Variants in BPIFC observed in about 807,000 individuals in gnomAD.
BPIFC encodes the protein BPI fold containing family C, also known as BPI fold-containing family C protein.
Under a neutral mutation model 57.6 loss-of-function variants are expected in BPIFC, and 60 were observed. That is an observed-to-expected ratio of 1.04 (90% CI 0.85 to 1.29). The LOEUF (loss-of-function observed/expected upper bound fraction) is 1.29, where lower values mean the gene tolerates loss of function less well. Among genes scored for constraint, BPIFC ranks in the 50% most tolerant of loss-of-function variants. BPIFC has a pLI of 0.00. For missense variants in BPIFC, 581 were observed against 600.5 expected, an observed-to-expected ratio of 0.97 and a Z score of 0.34; for synonymous variants, 243 against 224.5, an observed-to-expected ratio of 1.08 and a Z score of -0.74.
In BPIFC at chr22:32,452,792, A is replaced by T. The variant is rs187375571; in HGVS notation, c.245+591T>A. Among the ~76,000 whole-genome samples, 7 of 152,314 alleles carry T rather than the reference A, an allele frequency of 4.6e-5. No homozygotes were observed. The East Asian group carries it at 1.4e-3, about 29-fold the overall frequency. ...ACAATTGGGGCAAATTGTGAATCAC[A>T]GTCACAGAGAACCCCTTAGAAGAGC... On this transcript the variant is annotated intron_variant, in intron 4 of 16. Transcript: ENST00000300399.
intron 5 of BPIFC, chr22:32,446,840 T>A: frequency 2.0e-6 from 2 of 978,638 alleles, no homozygotes; most frequent in Non-Finnish European, 2.4e-6. Context: ...AAAGACTCCA[T>A]TTCCCATCAC....
At chr22:32,425,456 T>C (rs1934039412) in intron 13 of BPIFC, among the ~76,000 whole-genome samples, 1 of 152,134 alleles carries the variant, frequency 6.6e-6, no homozygotes, top group African/African-American at 2.4e-5. Context: ...TTCTTAGCTA[T>C]CCATGGGCAG....
At position 32,446,016 on chromosome 22, in the gene BPIFC, G is replaced by A. The variant is rs73884917; in HGVS notation, c.375-20C>T. The A allele has an allele frequency of 7.9e-4, 1,278 of 1,612,550 alleles. 13 individuals carry two copies. The African/African-American group carries it at 0.015, about 19-fold the overall frequency. On this transcript the variant is annotated intron_variant, in intron 5 of 16. Coordinates refer to ENST00000300399, the MANE Select transcript of BPIFC (RefSeq NM_174932.3). ...TCTTGGCTGTTTAAAGAAGTGCAAG[G>A]TTATCCAAGCCTGAGTCAGGCACAG... is the stretch of plus-strand genomic sequence containing the variant.
chr22:32,457,473 T>C (rs1935064371), intron 2 of BPIFC, 87 bp from the exon 3 acceptor site: 28 of 1,489,740 alleles, frequency 1.9e-5, no homozygotes, highest in Non-Finnish European at 2.5e-5. Context: ...ATTTTCTCAT[T>C]TTTACTGTTT....
At chr22:32,415,731 A>G (rs557756382) in intron 16 of BPIFC, among the ~76,000 whole-genome samples, 184 bp downstream of exon 16, 1 of 152,338 alleles carries the variant, frequency 6.6e-6, no homozygotes, top group South Asian at 2.1e-4. Context: ...TTTTAGACTC[A>G]ACTCTAAATA....
chr22:32,449,309 G>A (rs867047521), intron 4 of BPIFC, among the ~76,000 whole-genome samples: 12 of 152,352 alleles, frequency 7.9e-5, no homozygotes, highest in Admixed American at 5.2e-4. Flanking sequence ...ACAGGTAGGG[G>A]CGGGGAGACA....
intron 8 of BPIFC, among the ~76,000 whole-genome samples, chr22:32,441,412 G>A (rs1168121863): frequency 6.6e-6 from 1 of 152,060 alleles, no homozygotes; most frequent in Non-Finnish European, 1.5e-5. Context: ...CTCCCATGAC[G>A]GCAGGTATGT....
chr22:32,432,785 T>C (rs1166232193), intron 11 of BPIFC, among the ~76,000 whole-genome samples: 1 of 152,250 alleles, frequency 6.6e-6, no homozygotes, highest in Non-Finnish European at 1.5e-5. Flanking sequence ...CATTTAATCT[T>C]CAGAAAATCC....
intron 8 of BPIFC, among the ~76,000 whole-genome samples, chr22:32,441,528 A>T (rs1297354415): frequency 2.6e-5 from 4 of 152,054 alleles, no homozygotes; most frequent in Non-Finnish European, 5.9e-5. Flanking sequence ...GTGCAAAGTG[A>T]GAGAGAGATG....
At chr22:32,431,594 C>T (rs1307311928) in intron 12 of BPIFC, among the ~76,000 whole-genome samples, 180 bp from the exon 13 acceptor site, 4 of 151,968 alleles carry the variant, frequency 2.6e-5, no homozygotes, top group Non-Finnish European at 5.9e-5. Context: ...GTTAGGGAAG[C>T]TACCTGCAAA....
chr22:32,417,849 C>T (rs1025623603), intron 14 of BPIFC, among the ~76,000 whole-genome samples: 1 of 152,014 alleles, frequency 6.6e-6, no homozygotes, highest in Admixed American at 6.6e-5. Flanking sequence ...CCCAGAACAC[C>T]CAATTTTTCT....
At chr22:32,430,290 G>T (rs5754081) in intron 13 of BPIFC, among the ~76,000 whole-genome samples, 91,511 of 151,948 alleles carry the variant, frequency 0.6, 29,036 homozygotes, top group African/African-American at 0.83. Context: ...TTAACAGACT[G>T]GATCACAGTC....
chr22:32,439,265 C>T (rs935888182), intron 8 of BPIFC, among the ~76,000 whole-genome samples: 6 of 151,790 alleles, frequency 4.0e-5, no homozygotes, highest in South Asian at 2.1e-4. Flanking sequence ...GCGCAGGTTG[C>T]GGTGAGCCAA....
At chr22:32,462,965 C>A (rs1935196562) in intron 1 of BPIFC, among the ~76,000 whole-genome samples, 1 of 152,108 alleles carries the variant, frequency 6.6e-6, no homozygotes, top group Non-Finnish European at 1.5e-5. Context: ...CAGTGCAAAT[C>A]CCTTCTTATT....
chr22:32,431,118 C>CTTT (rs531325756), intron 13 of BPIFC, among the ~76,000 whole-genome samples: 4 of 138,790 alleles, frequency 2.9e-5, no homozygotes, highest in Admixed American at 7.2e-5. Context: ...GTTAACGTCC[C>CTTT]TTTTTTTTTT....
At chr22:32,450,380 T>C (rs1313742479) in intron 4 of BPIFC, among the ~76,000 whole-genome samples, 2 of 152,194 alleles carry the variant, frequency 1.3e-5, no homozygotes, top group African/African-American at 2.4e-5. Context: ...CACCGTATAA[T>C]GTTTGCACAA....
In BPIFC at chr22:32,462,976, T is replaced by G. The variant is rs143671940; in HGVS notation, c.-88-1315A>C. On this transcript the variant is annotated intron_variant, in intron 1 of 16. Coordinates refer to ENST00000300399, the MANE Select transcript of BPIFC (RefSeq NM_174932.3). The stretch of plus-strand genomic sequence containing the variant: ...ATCACAGTGCAAATCCCTTCTTATT[T>G]TCTTGGACACAACTGGAGTTTTAAA... 3.8e-3 allele frequency among the ~76,000 whole-genome samples: 576 copies of G among 152,292 alleles called. 3 individuals are homozygous for G. Among genetic ancestry groups the G allele is most frequent in the African/African-American group, 0.014 (566 of 41,550 alleles).
At chr22:32,445,736 G>GGTTAA in intron 6 of BPIFC, 38 bp from the exon 7 acceptor site, 1 of 612,340 alleles carries the variant, frequency 1.6e-6, no homozygotes, top group Non-Finnish European at 2.2e-6. Context: ...AAAAAAAAAA[G>GGTTAA]AGGTTACTCA....
At chr22:32,414,889 C>T (rs1450384205) in intron 16 of BPIFC, among the ~76,000 whole-genome samples, 1 of 152,134 alleles carries the variant, frequency 6.6e-6, no homozygotes, top group Non-Finnish European at 1.5e-5. Context: ...AAGGAAAGGC[C>T]ATTTTGGAGT....
Sources: allele counts gnomAD v4.1 joint callset (sites outside exome capture counted in the v4.1 genomes callset), GRCh38; gene constraint gnomAD v4.1.1; transcripts MANE v1.5; gene names NCBI Gene and HGNC (gene_info 2026-07-23, HGNC 2026-07-21).